The following IKBKG variants were observed in gnomAD, a reference collection of about 807,000 sequenced individuals.
IKBKG encodes the protein inhibitor of nuclear factor kappa B kinase regulatory subunit gamma.
In IKBKG, 2 loss-of-function variants were observed where a neutral mutation model predicts 13.7. The ratio of observed to expected loss-of-function variants is 0.15; its 90% CI spans 0.06 to 0.46. IKBKG has a LOEUF of 0.46. Among genes scored for constraint, IKBKG ranks in the 20% least tolerant of loss-of-function variants. The pLI is 0.98. For synonymous variants in IKBKG, 22 were observed against 64.4 expected (o/e 0.34, Z 3.15); for missense variants, 53 against 150.3 (o/e 0.35, Z 3.39).
At chrX:154,551,734 C>G (rs1371201754) in intron 1 of IKBKG, among the ~76,000 whole-genome samples, 1 of 111,448 alleles carries the variant, frequency 9.0e-6, no homozygotes, top group Non-Finnish European at 1.9e-5. Flanking sequence ...TGTCCCGACT[C>G]TCCCATCTCT....
upstream of IKBKG, among the ~76,000 whole-genome samples, chrX:154,543,295 C>T (rs2070578728): frequency 1.8e-5 from 2 of 112,676 alleles, no homozygotes; most frequent in Admixed American, 1.9e-4. Context: ...CTACTGATTT[C>T]AACAAAACAA....
chrX:154,553,289 C>T (rs1241117856), intron 2 of IKBKG, among the ~76,000 whole-genome samples: 1 of 112,515 alleles, frequency 8.9e-6, no homozygotes, highest in African/African-American at 3.2e-5. Flanking sequence ...TACTAGAGAT[C>T]GCTGTCATGG....
chrX:154,545,041 G>A (rs1046722049), upstream of IKBKG, among the ~76,000 whole-genome samples: 1 of 111,907 alleles, frequency 8.9e-6, no homozygotes, highest in East Asian at 2.8e-4. Flanking sequence ...CTGAGACCAC[G>A]TGTAATTTGA....
upstream of IKBKG, chrX:154,546,879 C>T (rs1557233604): frequency 1.4e-5 from 14 of 1,024,582 alleles, no homozygotes; most frequent in Non-Finnish European, 1.8e-5. Flanking sequence ...ATTTAATCGG[C>T]GGGGGCGGGG....
chrX:154,546,652 G>A, upstream of IKBKG: 2 of 530,806 alleles, frequency 3.8e-6, no homozygotes, highest in Non-Finnish European at 6.0e-6. Flanking sequence ...GAGGTGCGGG[G>A]TATAAAGGGA....
At chrX:154,554,966 T>A (rs1557235722) in intron 2 of IKBKG, among the ~76,000 whole-genome samples, 1 of 111,363 alleles carries the variant, frequency 9.0e-6, no homozygotes, top group East Asian at 2.8e-4. Flanking sequence ...TTTTGTCACC[T>A]CAGATGGCTT....
At chrX:154,550,873 C>T (rs945700408) in intron 1 of IKBKG, among the ~76,000 whole-genome samples, 5 of 109,265 alleles carry the variant, frequency 4.6e-5, no homozygotes, top group Admixed American at 9.7e-5. Flanking sequence ...TGCAGTGGCG[C>T]GATCCCGGGT....
At chrX:154,541,728 G>A (rs1483068947) in intron 1 of IKBKG, among the ~76,000 whole-genome samples, 1 of 112,514 alleles carries the variant, frequency 8.9e-6, no homozygotes, top group Non-Finnish European at 1.9e-5. Flanking sequence ...AAGGACACAA[G>A]GTGACTTAGT....
intron 1 of IKBKG, among the ~76,000 whole-genome samples, chrX:154,542,062 G>C (rs1217146018): frequency 8.9e-6 from 1 of 112,344 alleles, no homozygotes; most frequent in Non-Finnish European, 1.9e-5. Flanking sequence ...ACCAACAAAA[G>C]GGCCTCCCTG....
intron 2 of IKBKG, among the ~76,000 whole-genome samples, chrX:154,554,107 G>A (rs1557235575): frequency 8.9e-6 from 1 of 112,941 alleles, no homozygotes; most frequent in Admixed American, 9.3e-5. Context: ...CATGTGTCAG[G>A]CCCTGGGCCA....
At chrX:154,545,834 TC>T (rs2070691215), upstream of IKBKG, 1 of 380,143 alleles carries the variant, frequency 2.6e-6, no homozygotes, top group Non-Finnish European at 4.3e-6. Flanking sequence ...AAACTCCGTC[TC>T]CAAAAAAAAA....
At chrX:154,546,675 C>T (rs975699008), upstream of IKBKG, 45 of 621,668 alleles carry the variant, frequency 7.2e-5, no homozygotes, top group Non-Finnish European at 1.0e-4. Context: ...GGTTAAGACC[C>T]TCTCGATTCT....
intron 1 of IKBKG, among the ~76,000 whole-genome samples, chrX:154,550,365 T>C (rs904394758): frequency 3.4e-4 from 34 of 99,619 alleles, no homozygotes; most frequent in African/African-American, 1.1e-3. Context: ...CTTGGGTAGA[T>C]CTGGGTTTTG....
At chrX:154,555,947 T>C (rs1480309875) in intron 2 of IKBKG, among the ~76,000 whole-genome samples, 2 of 113,056 alleles carry the variant, frequency 1.8e-5, no homozygotes, top group Non-Finnish European at 3.8e-5. Flanking sequence ...GGGGCATTAG[T>C]GTAAAGGATT....
intron 1 of IKBKG, among the ~76,000 whole-genome samples, chrX:154,550,866 A>G (rs1210673360): frequency 1.8e-5 from 2 of 108,342 alleles, no homozygotes; most frequent in South Asian, 4.0e-4. Context: ...GCTGGAGTGC[A>G]GTGGCGCGAT....
At position 154,548,912 on chromosome X, in the gene IKBKG, G is replaced by A. The variant is rs183753530; in HGVS notation, c.-16+1167G>A. On this transcript the variant is annotated intron_variant, in intron 1 of 9. Transcript: ENST00000594239. ...ACAGCTACCAACTTCAACAATTGAA[G>A]GTATCAACTTCTGACTAATTTTGTT... 2.0e-3 allele frequency among the ~76,000 whole-genome samples: 218 copies of A among 110,202 alleles called. 2 individuals are homozygous for A. Among genetic ancestry groups the A allele is most frequent in the African/African-American group, 7.0e-3 (211 of 30,290 alleles).
At chrX:154,546,642 G>A, upstream of IKBKG, 1 of 502,785 alleles carries the variant, frequency 2.0e-6, no homozygotes, top group Admixed American at 4.1e-5. Flanking sequence ...CTCAAGAGAG[G>A]AGGTGCGGGG....
chrX:154,552,489 C>A (rs2070960717), intron 2 of IKBKG, among the ~76,000 whole-genome samples: 1 of 110,356 alleles, frequency 9.1e-6, no homozygotes, highest in African/African-American at 3.3e-5. Context: ...CTGGAATGAA[C>A]CTTCCAGGTT....
chrX:154,546,780 G>A (rs782395004), upstream of IKBKG: 1 of 1,155,993 alleles, frequency 8.7e-7, no homozygotes, highest in South Asian at 1.9e-5. Context: ...CGCCCGCCCG[G>A]CCGGTTACCT....
Sources: allele counts gnomAD v4.1 joint callset (sites outside exome capture counted in the v4.1 genomes callset), GRCh38; gene constraint gnomAD v4.1.1; transcripts MANE v1.5; gene names NCBI Gene and HGNC (gene_info 2026-07-23, HGNC 2026-07-21).